STEAP1B: variants seen among roughly 807,000 people sequenced by gnomAD.
STEAP1B encodes the protein STEAP family member 1B, also known as STEAP family protein MGC87042.
STEAP1B carries 13 observed loss-of-function variants against 27.9 expected under a neutral mutation model. That is an observed-to-expected ratio of 0.47 (90% CI 0.30 to 0.74). The LOEUF is 0.74. Ranked by LOEUF, STEAP1B falls within the 30% of genes least tolerant of loss-of-function variation. The pLI is 0.06. For synonymous variants in STEAP1B, 86 were observed against 107.1 expected, an observed-to-expected ratio of 0.80 and a Z score of 1.22; for missense variants, 250 against 298.7, an observed-to-expected ratio of 0.84 and a Z score of 1.20.
intron 4 of STEAP1B, chr7:22,438,550 T>A: frequency 6.4e-7 from 1 of 1,552,032 alleles, no homozygotes; most frequent in Non-Finnish European, 8.7e-7. Context: ...TAGATGAAGC[T>A]GAAACATGTG....
intron 4 of STEAP1B, among the ~76,000 whole-genome samples, chr7:22,422,143 G>T (rs77688646): frequency 6.6e-6 from 1 of 152,252 alleles, no homozygotes; most frequent in Non-Finnish European, 1.5e-5. Context: ...TTGTTTTCTG[G>T]TTTAATCTAG....
chr7:22,462,070 T>C (rs536146113), intron 4 of STEAP1B, among the ~76,000 whole-genome samples: 2 of 152,158 alleles, frequency 1.3e-5, no homozygotes, highest in Non-Finnish European at 2.9e-5. Flanking sequence ...CTCACAATAC[T>C]AAAATTTTAG....
chr7:22,431,033 T>C (rs1208752493), intron 4 of STEAP1B, among the ~76,000 whole-genome samples: 4 of 152,188 alleles, frequency 2.6e-5, no homozygotes, highest in Non-Finnish European at 4.4e-5. Flanking sequence ...TGGGGTGCAA[T>C]GAATGGGAAA....
chr7:22,423,984 A>G (rs1785075636), intron 4 of STEAP1B, among the ~76,000 whole-genome samples: 2 of 152,162 alleles, frequency 1.3e-5, no homozygotes. Flanking sequence ...AGCCGTGATC[A>G]TGCAACTGCA....
intron 1 of STEAP1B, among the ~76,000 whole-genome samples, chr7:22,495,684 A>T (rs2128418850): frequency 6.6e-6 from 1 of 152,298 alleles, no homozygotes; most frequent in East Asian, 1.9e-4. Flanking sequence ...TTCAATGAGA[A>T]AAACAGATTA....
chr7:22,448,226 G>A (rs1785436384), intron 4 of STEAP1B, among the ~76,000 whole-genome samples: 1 of 152,138 alleles, frequency 6.6e-6, no homozygotes, highest in African/African-American at 2.4e-5. Context: ...ATGTAATTAT[G>A]GCACGTAGTC....
In STEAP1B at chr7:22,447,011, A is replaced by T. The variant is rs555721607; in HGVS notation, c.763-27175T>A. Among the ~76,000 whole-genome samples, 10 of 152,338 alleles carry T rather than the reference A, an allele frequency of 6.6e-5. No individual in the cohort carries two copies. In the South Asian group the frequency reaches 2.1e-3, roughly 32 times the overall value. On this transcript the variant is annotated intron_variant, in intron 4 of 4. Coordinates refer to ENST00000678116, the MANE Select transcript of STEAP1B (RefSeq NM_001382447.1). The stretch of plus-strand genomic sequence containing the variant: ...TAGCTTAAGGGTTTGCTCTCCAGAG[A>T]GCATCAAAAGACTCATTTTAAAATT...
At chr7:22,468,059 A>AT (rs920142794) in intron 4 of STEAP1B, among the ~76,000 whole-genome samples, 1 of 151,986 alleles carries the variant, frequency 6.6e-6, no homozygotes, top group African/African-American at 2.4e-5. Flanking sequence ...GCTAAAGAAT[A>AT]TTTTTTTCTT....
At chr7:22,443,044 C>T (rs1291398093) in intron 4 of STEAP1B, among the ~76,000 whole-genome samples, 1 of 152,212 alleles carries the variant, frequency 6.6e-6, no homozygotes, top group Non-Finnish European at 1.5e-5. Flanking sequence ...CCTTCCTTCC[C>T]TCCCACTCGC....
chr7:22,451,785 C>T (rs530377161), intron 4 of STEAP1B, among the ~76,000 whole-genome samples: 1 of 152,222 alleles, frequency 6.6e-6, no homozygotes, highest in East Asian at 1.9e-4. Context: ...ATTTGGTTTG[C>T]TATTATTTTG....
intron 4 of STEAP1B, among the ~76,000 whole-genome samples, chr7:22,460,810 C>T (rs1187783710): frequency 6.6e-6 from 1 of 152,108 alleles, no homozygotes; most frequent in Non-Finnish European, 1.5e-5. Flanking sequence ...CCCTCCTGTG[C>T]CCTCTACCGA....
chr7:22,493,333 T>A lies in STEAP1B; in HGVS notation c.588A>T (p.Ala196=). 6.2e-7 allele frequency: 1 copy of A among 1,611,428 alleles called. No homozygotes were observed. Among genetic ancestry groups the A allele is most frequent in the African/African-American group, 1.3e-5 (1 of 75,000 alleles). ...ATCATTGTCATCTCACCTGTTGATA[T>A]GCCCAGTTTAGCAACTTGTATCTGT... ...RSYRYKLLNW[A]YQQVQQNKED... Residue 196 remains alanine (A), a synonymous_variant, in exon 3 of 5, where the codon GCA becomes GCT. Coordinates refer to ENST00000678116, the MANE Select transcript of STEAP1B (RefSeq NM_001382447.1).
At chr7:22,482,205 A>G (rs1786091045) in intron 4 of STEAP1B, among the ~76,000 whole-genome samples, 1 of 152,132 alleles carries the variant, frequency 6.6e-6, no homozygotes, top group Non-Finnish European at 1.5e-5. Flanking sequence ...CACTTTCTGA[A>G]AGGGTTCCCA....
At chr7:22,458,915 C>T (rs1785633259) in intron 4 of STEAP1B, among the ~76,000 whole-genome samples, 1 of 151,514 alleles carries the variant, frequency 6.6e-6, no homozygotes, top group African/African-American at 2.4e-5. Context: ...TTTACAACCA[C>T]CAATGCCTCT....
intron 4 of STEAP1B, among the ~76,000 whole-genome samples, chr7:22,475,809 G>A (rs1473299969): frequency 6.6e-6 from 1 of 152,168 alleles, no homozygotes. Flanking sequence ...GGGACTTGAG[G>A]CCCCAAATTT....
Position 22,493,811 on chromosome 7 carries a change from A to G in STEAP1B, c.110T>C (p.Met37Thr), listed in dbSNP as rs751829582. The G allele has an allele frequency of 1.9e-6, 3 of 1,612,328 alleles. No individual in the cohort carries two copies. The highest frequency in any genetic ancestry group is 4.5e-5 in the East Asian group (2 of 44,874). ...ATGCAAAAGCACAGGTCTTTTTAGC[A>G]TGCTGGTCTCTCCCGTGTCCTCATG... ...YLHEDTGETS[M>T]LKRPVLLHLQ... Residue 37 changes from methionine (M) to threonine (T), a missense_variant, in exon 3 of 5, where the codon ATG (methionine) becomes ACG (threonine). Coordinates refer to ENST00000678116, the MANE Select transcript of STEAP1B (RefSeq NM_001382447.1).
At chr7:22,446,870 G>A (rs988269692) in intron 4 of STEAP1B, among the ~76,000 whole-genome samples, 1 of 152,132 alleles carries the variant, frequency 6.6e-6, no homozygotes, top group African/African-American at 2.4e-5. Context: ...CAGTATCTGG[G>A]AAAACACTTA....
intron 4 of STEAP1B, among the ~76,000 whole-genome samples, chr7:22,456,966 A>ATTTTTTTTTTTT (rs1301439928): frequency 1.4e-4 from 5 of 36,816 alleles, no homozygotes; most frequent in African/African-American, 3.5e-4. Context: ...ATATATATAT[A>ATTTTTTTTTTTT]TATATATTTT....
chr7:22,483,697 C>T (rs1786126088), intron 4 of STEAP1B, among the ~76,000 whole-genome samples: 1 of 152,108 alleles, frequency 6.6e-6, no homozygotes, highest in African/African-American at 2.4e-5. Flanking sequence ...TTTGGGATAC[C>T]ACAACTCTGC....
Sources: gnomAD v4.1 joint callset for allele counts (sites outside exome capture counted in the v4.1 genomes callset) on GRCh38, gnomAD v4.1.1 for gene constraint, MANE v1.5 for transcripts, NCBI Gene and HGNC (gene_info 2026-07-23, HGNC 2026-07-21) for gene names.